The following FOXP1 variants were observed in gnomAD, a reference collection of about 807,000 sequenced individuals.
FOXP1 encodes the protein forkhead box protein P1.
Under a neutral mutation model 98.2 loss-of-function variants are expected in FOXP1, and 15 were observed. The ratio of observed to expected loss-of-function variants is 0.15; its 90% CI spans 0.10 to 0.24. The LOEUF is 0.24. FOXP1 is among the 10% of genes least tolerant of loss of function. FOXP1 has a pLI of 1.00. For missense variants in FOXP1, 633 were observed against 848.5 expected (o/e 0.75, Z 3.15); for synonymous variants, 371 against 314.5 (o/e 1.18, Z -1.90).
At position 71,087,783 on chromosome 3, in the gene FOXP1, A is replaced by G. The variant is rs140787682; in HGVS notation, c.282+24753T>C. 3.9e-5 allele frequency among the ~76,000 whole-genome samples: 6 copies of G among 152,302 alleles called. No homozygotes were observed. In the East Asian group the frequency reaches 1.2e-3, roughly 29 times the overall value. ...ATTTAGCAGGCTAGATTTGAGAACT[A>G]AGGTGTCTAAGCAAGATGACTATCA... On this transcript the variant is annotated intron_variant, in intron 7 of 20. Coordinates refer to ENST00000649528, the MANE Select transcript of FOXP1 (RefSeq NM_001349338.3).
chr3:71,172,161 C>CA (rs1406598408), intron 6 of FOXP1, among the ~76,000 whole-genome samples: 1 of 151,144 alleles, frequency 6.6e-6, no homozygotes, highest in Non-Finnish European at 1.5e-5. Flanking sequence ...TCCTCCATTA[C>CA]TTTTTTTTTA....
intron 3 of FOXP1, among the ~76,000 whole-genome samples, chr3:71,416,420 C>T (rs980675995): frequency 6.6e-6 from 1 of 151,944 alleles, no homozygotes; most frequent in Non-Finnish European, 1.5e-5. Flanking sequence ...TGTACACCAC[C>T]TGTAATCCCA....
chr3:71,543,748 C>A (rs1358256042), intron 2 of FOXP1, among the ~76,000 whole-genome samples: 1 of 152,236 alleles, frequency 6.6e-6, no homozygotes, highest in African/African-American at 2.4e-5. Flanking sequence ...CTATATCCCT[C>A]TACTTCTGTG....
chr3:71,253,592 ATAT>A (rs1273064738), intron 5 of FOXP1, among the ~76,000 whole-genome samples: 1 of 152,214 alleles, frequency 6.6e-6, no homozygotes, highest in African/African-American at 2.4e-5. Context: ...TTCTCAGTAA[ATAT>A]TTACTCCTTT....
At position 71,323,031 on chromosome 3, in the gene FOXP1, C is replaced by A. The variant is rs541202818; in HGVS notation, c.-72-23151G>T. Among the ~76,000 whole-genome samples the A allele has an allele frequency of 2.0e-5, 3 of 149,320 alleles. No individual in the cohort carries two copies. The South Asian group carries it at 6.4e-4, about 32-fold the overall frequency. On this transcript the variant is annotated intron_variant, in intron 4 of 20. Transcript: ENST00000649528. ...TGTTACCCTGGCTGGAGTGCAGTGG[C>A]GTTATCTTGGCTCATTGCAACCTCC...
intron 7 of FOXP1, among the ~76,000 whole-genome samples, chr3:71,094,469 A>C (rs1223031574): frequency 6.6e-6 from 1 of 152,024 alleles, no homozygotes; most frequent in African/African-American, 2.4e-5. Flanking sequence ...GTTTCATGAA[A>C]TATTATTCGT....
chr3:71,392,709 T>C (rs1356999079), intron 3 of FOXP1, among the ~76,000 whole-genome samples: 1 of 152,230 alleles, frequency 6.6e-6, no homozygotes, highest in Non-Finnish European at 1.5e-5. Flanking sequence ...TCCATGAACA[T>C]ATAATTGCAA....
At chr3:71,362,816 T>C (rs2107922876) in intron 3 of FOXP1, among the ~76,000 whole-genome samples, 1 of 152,308 alleles carries the variant, frequency 6.6e-6, no homozygotes, top group Non-Finnish European at 1.5e-5. Context: ...ATGACCAAAA[T>C]TTGCTTATGT....
At chr3:71,146,487 A>G (rs1174340316) in intron 6 of FOXP1, among the ~76,000 whole-genome samples, 1 of 152,188 alleles carries the variant, frequency 6.6e-6, no homozygotes, top group African/African-American at 2.4e-5. Context: ...GGAAGAATAC[A>G]TTATACAATG....
Position 71,527,869 on chromosome 3 carries a change from T to A in FOXP1, c.-297-34314A>T, listed in dbSNP as rs144620936. 4.1e-3 allele frequency among the ~76,000 whole-genome samples: 620 copies of A among 152,366 alleles called. 4 individuals are homozygous for A. Among genetic ancestry groups the A allele is most frequent in the African/African-American group, 0.014 (592 of 41,594 alleles). On this transcript the variant is annotated intron_variant, in intron 2 of 20. Transcript: ENST00000649528. ...TCATCCTGTCCTGTCTACATATACT[T>A]TGATTTCAAATAAACTGGTTTCCTT...
chr3:71,110,743 T>A (rs2057849664), intron 7 of FOXP1, among the ~76,000 whole-genome samples: 1 of 152,216 alleles, frequency 6.6e-6, no homozygotes, highest in South Asian at 2.1e-4. Context: ...TCAACTTATT[T>A]GAATCCTGAC....
intron 17 of FOXP1, among the ~76,000 whole-genome samples, chr3:70,972,934 T>C (rs1341223907): frequency 1.2e-4 from 19 of 152,054 alleles, no homozygotes; most frequent in Non-Finnish European, 1.5e-5. Flanking sequence ...TTTTTTAATA[T>C]GCATACAAGC....
intron 5 of FOXP1, among the ~76,000 whole-genome samples, chr3:71,200,718 T>A (rs1319276947): frequency 6.6e-6 from 1 of 152,232 alleles, no homozygotes; most frequent in Non-Finnish European, 1.5e-5. Context: ...TGGAAGGACA[T>A]ATGTACAACC....
At chr3:71,230,395 C>T (rs1040668423) in intron 5 of FOXP1, among the ~76,000 whole-genome samples, 1 of 152,162 alleles carries the variant, frequency 6.6e-6, no homozygotes, top group African/African-American at 2.4e-5. Flanking sequence ...GACAAAACTG[C>T]CCTCAGAGGT....
rs757217111 is a variant in FOXP1 at position 71,556,576 on chromosome 3, CAA to C, written c.-298+24971_-298+24972del. Among the ~76,000 whole-genome samples, 12 of 29,806 alleles carry C rather than the reference CAA, an allele frequency of 4.0e-4. No individual in the cohort carries two copies. The East Asian group carries it at 0.012, about 29-fold the overall frequency. The allele number at this position is 29,806 out of a possible 152,430, so 19.6% of individuals were successfully genotyped here. Reference sequence around the variant, plus strand: ...TGGGCGACAGAGCGAGACTCCGTCTCAAAAAAAAAAAAAAAAAAAAAAAAAAA... The same window carrying C: ...TGGGCGACAGAGCGAGACTCCGTCTCAAAAAAAAAAAAAAAAAAAAAAAAA... On this transcript the variant is annotated intron_variant, in intron 2 of 20. Coordinates refer to ENST00000649528, the MANE Select transcript of FOXP1 (RefSeq NM_001349338.3).
intron 2 of FOXP1, among the ~76,000 whole-genome samples, chr3:71,506,293 A>G (rs2041816677): frequency 6.6e-6 from 1 of 152,170 alleles, no homozygotes; most frequent in Non-Finnish European, 1.5e-5. Flanking sequence ...CAGCTGCAAA[A>G]CAGAGGTAAT....
intron 3 of FOXP1, among the ~76,000 whole-genome samples, chr3:71,397,246 TAGG>T (rs2081596491): frequency 6.6e-6 from 1 of 151,144 alleles, no homozygotes; most frequent in Non-Finnish European, 1.5e-5. Flanking sequence ...GAAGAGAGCT[TAGG>T]AGGCAAAAAC....
intron 3 of FOXP1, among the ~76,000 whole-genome samples, chr3:71,391,891 T>C (rs1282903028): frequency 6.6e-6 from 1 of 152,160 alleles, no homozygotes; most frequent in African/African-American, 2.4e-5. Flanking sequence ...TTTACTACAT[T>C]TGTCCTTGAA....
chr3:71,392,643 C>T (rs1486063112), intron 3 of FOXP1, among the ~76,000 whole-genome samples: 1 of 152,160 alleles, frequency 6.6e-6, no homozygotes, highest in Non-Finnish European at 1.5e-5. Flanking sequence ...AATACTTAAA[C>T]TTTGGAAATT....
Sources: gnomAD v4.1 joint callset for allele counts (sites outside exome capture counted in the v4.1 genomes callset) on GRCh38, gnomAD v4.1.1 for gene constraint, MANE v1.5 for transcripts, NCBI Gene and HGNC (gene_info 2026-07-23, HGNC 2026-07-21) for gene names.